Variants in SORBS2 observed in about 807,000 individuals in gnomAD.
The protein encoded by SORBS2 is sorbin and SH3 domain-containing protein 2.
SORBS2 carries 46 observed loss-of-function variants against 97.7 expected under a neutral mutation model. The observed-to-expected ratio is 0.47, with a 90% CI of 0.37 to 0.60. The LOEUF (loss-of-function observed/expected upper bound fraction) is 0.60, where lower values mean the gene tolerates loss of function less well. SORBS2 is among the 20% of genes least tolerant of loss of function. The pLI, the probability that SORBS2 is intolerant of heterozygous loss-of-function variation, is 0.00. For missense variants in SORBS2, 1,316 were observed against 1,282.3 expected (o/e 1.03, Z -0.40); for synonymous variants, 476 against 473.4 (o/e 1.01, Z -0.07).
chr4:185,626,038 C>A (rs1049507627), intron 6 of SORBS2, among the ~76,000 whole-genome samples: 2 of 152,208 alleles, frequency 1.3e-5, no homozygotes, highest in African/African-American at 4.8e-5. Flanking sequence ...GCCCTAGCTC[C>A]CTGTAGGGGC....
intron 2 of SORBS2, among the ~76,000 whole-genome samples, chr4:185,699,676 A>G (rs1243720835): frequency 6.6e-6 from 1 of 152,196 alleles, no homozygotes; most frequent in East Asian, 1.9e-4. Flanking sequence ...GAGGAAAAAT[A>G]TCATCTGAAG....
chr4:185,804,477 C>T (rs905305956), intron 1 of SORBS2, among the ~76,000 whole-genome samples: 3 of 152,174 alleles, frequency 2.0e-5, no homozygotes, highest in East Asian at 1.9e-4. Flanking sequence ...AAAGTGGTAT[C>T]GGCGCATCTA....
At chr4:185,912,583 C>T (rs1389359250) in intron 1 of SORBS2, among the ~76,000 whole-genome samples, 7 of 54,106 alleles carry the variant, frequency 1.3e-4, no homozygotes, top group African/African-American at 4.6e-4. Context: ...GAAACTCCAT[C>T]TCAAAAAAAA....
At chr4:185,785,257 G>A (rs2099050896) in intron 1 of SORBS2, among the ~76,000 whole-genome samples, 1 of 151,948 alleles carries the variant, frequency 6.6e-6, no homozygotes, top group Non-Finnish European at 1.5e-5. Context: ...ATCTTACTGT[G>A]GTTTCTTAAA....
At chr4:185,893,525 T>G (rs1307356138) in intron 1 of SORBS2, among the ~76,000 whole-genome samples, 1 of 152,170 alleles carries the variant, frequency 6.6e-6, no homozygotes, top group Non-Finnish European at 1.5e-5. Flanking sequence ...TGAAGGGAAT[T>G]TTCTTCCCTC....
At chr4:185,621,014 T>C (rs2096711962) in intron 7 of SORBS2, among the ~76,000 whole-genome samples, 1 of 152,236 alleles carries the variant, frequency 6.6e-6, no homozygotes, top group Admixed American at 6.5e-5. Context: ...TATGGAGATG[T>C]AACTAGACAT....
chr4:185,803,359 C>A (rs936661203), intron 1 of SORBS2, among the ~76,000 whole-genome samples: 9 of 152,118 alleles, frequency 5.9e-5, no homozygotes, highest in African/African-American at 2.2e-4. Context: ...TTTCCTAATT[C>A]GATCTTCAAA....
chr4:185,800,259 C>T (rs1193464070), intron 1 of SORBS2, among the ~76,000 whole-genome samples: 1 of 152,132 alleles, frequency 6.6e-6, no homozygotes, highest in Non-Finnish European at 1.5e-5. Flanking sequence ...AACATATTCC[C>T]CTCAATGAAA....
At chr4:185,788,729 C>A (rs1172019676) in intron 1 of SORBS2, among the ~76,000 whole-genome samples, 4 of 152,196 alleles carry the variant, frequency 2.6e-5, no homozygotes, top group Non-Finnish European at 4.4e-5. Context: ...GCATATATAA[C>A]GTTGGGTAAG....
intron 1 of SORBS2, among the ~76,000 whole-genome samples, chr4:185,780,831 G>A (rs1169698302): frequency 6.6e-6 from 1 of 152,220 alleles, no homozygotes; most frequent in Admixed American, 6.5e-5. Flanking sequence ...TTAACAAAAG[G>A]TTAAAGGACC....
chr4:185,596,627 C>A (rs963350955), intron 12 of SORBS2, among the ~76,000 whole-genome samples: 7 of 150,256 alleles, frequency 4.7e-5, no homozygotes, highest in African/African-American at 7.4e-5. Flanking sequence ...CTCTGCCTCC[C>A]GGGTTCAAGC....
At chr4:185,804,460 A>G (rs150504038) in intron 1 of SORBS2, among the ~76,000 whole-genome samples, 27 of 152,328 alleles carry the variant, frequency 1.8e-4, no homozygotes, top group Admixed American at 1.0e-3. Context: ...AAAATAATAC[A>G]ACATGTAAAG....
chr4:185,868,147 C>CTTTTTTCT (rs1554043746), intron 1 of SORBS2, among the ~76,000 whole-genome samples: 1 of 89,764 alleles, frequency 1.1e-5, no homozygotes. Flanking sequence ...CTTTTCTTTT[C>CTTTTTTCT]TTTTTTTCTT....
intron 2 of SORBS2, among the ~76,000 whole-genome samples, chr4:185,738,933 G>T (rs997689645): frequency 5.3e-5 from 8 of 152,242 alleles, no homozygotes; most frequent in African/African-American, 1.9e-4. Context: ...TGATACCAGT[G>T]CAAGGGGACC....
chr4:185,717,465 C>T (rs535794362), intron 2 of SORBS2, among the ~76,000 whole-genome samples: 3 of 152,162 alleles, frequency 2.0e-5, no homozygotes, highest in South Asian at 2.1e-4. Flanking sequence ...GTGTGCAACG[C>T]GTATTATTTG....
At chr4:185,665,911 T>C in intron 4 of SORBS2, 1 of 1,181,362 alleles carries the variant, frequency 8.5e-7, no homozygotes, top group East Asian at 6.2e-5. Flanking sequence ...CAGGGAGGAG[T>C]CTGTTGTCAG....
At chr4:185,688,482 ATCTG>A (rs59801315) in intron 2 of SORBS2, among the ~76,000 whole-genome samples, 23,907 of 148,878 alleles carry the variant, frequency 0.16, 2,132 homozygotes, top group Middle Eastern at 0.21. Flanking sequence ...TGCATTATCT[ATCTG>A]TCTATTGATA....
intron 1 of SORBS2, among the ~76,000 whole-genome samples, chr4:185,838,311 C>T (rs2099209348): frequency 6.6e-6 from 1 of 152,260 alleles, no homozygotes; most frequent in Non-Finnish European, 1.5e-5. Context: ...GCCATCTCAT[C>T]TCCTCACGCT....
intron 5 of SORBS2, among the ~76,000 whole-genome samples, chr4:185,628,490 C>A (rs62334754): frequency 0.31 from 47,231 of 152,038 alleles, 8,287 homozygotes; most frequent in South Asian, 0.52. Context: ...TGATGGCTCA[C>A]GTCTGTAATC....
Sources: allele counts gnomAD v4.1 joint callset (sites outside exome capture counted in the v4.1 genomes callset), GRCh38; gene constraint gnomAD v4.1.1; transcripts MANE v1.5; gene names NCBI Gene and HGNC (gene_info 2026-07-23, HGNC 2026-07-21).